The following HACE1 variants were observed in gnomAD, a reference collection of about 807,000 sequenced individuals.
HACE1 encodes the protein E3 ubiquitin-protein ligase HACE1.
HACE1 carries 73 observed loss-of-function variants against 118.4 expected under a neutral mutation model. The observed-to-expected ratio is 0.62, with a 90% CI of 0.51 to 0.75. The LOEUF is 0.75. Ranked by LOEUF, HACE1 falls within the 30% of genes least tolerant of loss-of-function variation. The pLI is 0.00. For synonymous variants in HACE1, 368 were observed against 374.8 expected, an observed-to-expected ratio of 0.98 and a Z score of 0.21; for missense variants, 749 against 1,102.2, an observed-to-expected ratio of 0.68 and a Z score of 4.54.
chr6:104,825,443 G>C (rs1356192371), intron 6 of HACE1, among the ~76,000 whole-genome samples: 1 of 152,104 alleles, frequency 6.6e-6, no homozygotes, highest in Non-Finnish European at 1.5e-5. Flanking sequence ...CCTCTGATTG[G>C]CTGCACATAG....
chr6:104,803,006 A>G (rs1770558865), intron 7 of HACE1, among the ~76,000 whole-genome samples: 1 of 152,188 alleles, frequency 6.6e-6, no homozygotes, highest in South Asian at 2.1e-4. Context: ...AATCAAACAG[A>G]CACAATAAGA....
At chr6:104,757,349 C>T (rs1047087824) in intron 19 of HACE1, among the ~76,000 whole-genome samples, 3 of 152,154 alleles carry the variant, frequency 2.0e-5, no homozygotes, top group Non-Finnish European at 4.4e-5. Flanking sequence ...GAAGAAGGTA[C>T]AGGCAGCAAT....
intron 7 of HACE1, among the ~76,000 whole-genome samples, chr6:104,801,058 T>C (rs1200055070): frequency 6.6e-6 from 1 of 152,074 alleles, no homozygotes. Flanking sequence ...GCTAGAGAAC[T>C]TCATAATGCA....
intron 17 of HACE1, among the ~76,000 whole-genome samples, chr6:104,773,299 G>A (rs1222323471): frequency 6.6e-6 from 1 of 152,104 alleles, no homozygotes; most frequent in African/African-American, 2.4e-5. Flanking sequence ...GTATTGGAAA[G>A]TGAAATCTTT....
At chr6:104,751,603 C>T (rs1778051664) in intron 19 of HACE1, among the ~76,000 whole-genome samples, 1 of 151,858 alleles carries the variant, frequency 6.6e-6, no homozygotes, top group Non-Finnish European at 1.5e-5. Flanking sequence ...ACACTCCAAC[C>T]CGGGCAACAG....
intron 1 of HACE1, among the ~76,000 whole-genome samples, chr6:104,856,441 GT>G (rs35348044): frequency 3.4e-5 from 5 of 148,580 alleles, no homozygotes; most frequent in Non-Finnish European, 6.0e-5. Flanking sequence ...TTATTTATGT[GT>G]TTTTTTTTTG....
intron 19 of HACE1, among the ~76,000 whole-genome samples, chr6:104,760,866 A>T (rs184094800): frequency 5.9e-5 from 9 of 152,330 alleles, no homozygotes; most frequent in Admixed American, 2.6e-4. Flanking sequence ...ATACAAAATC[A>T]ATGTGCAAAA....
At chr6:104,810,273 C>T (rs1244053827) in intron 7 of HACE1, among the ~76,000 whole-genome samples, 1 of 151,850 alleles carries the variant, frequency 6.6e-6, no homozygotes, top group Non-Finnish European at 1.5e-5. Flanking sequence ...AACCCAGAAG[C>T]CCCTGAATTC....
chr6:104,756,383 G>T (rs867566930), intron 19 of HACE1, among the ~76,000 whole-genome samples: 1 of 139,622 alleles, frequency 7.2e-6, no homozygotes, highest in South Asian at 2.3e-4. Flanking sequence ...CTGCACCCCA[G>T]CCTGAGTGAC....
At chr6:104,756,446 T>TATATATAC (rs1554225546) in intron 19 of HACE1, among the ~76,000 whole-genome samples, 1 of 140,534 alleles carries the variant, frequency 7.1e-6, no homozygotes, top group African/African-American at 2.7e-5. Flanking sequence ...TATATATATA[T>TATATATAC]ACACACACAC....
At position 104,784,497 on chromosome 6, in the gene HACE1, A is replaced by G; in HGVS notation, c.1410-12T>C. The G allele has an allele frequency of 6.3e-7, 1 of 1,593,498 alleles. No homozygotes were observed. The highest frequency in any genetic ancestry group is 8.6e-7 in the Non-Finnish European group (1 of 1,161,390). ...GAGGTGAAGTCATTCTGTGGGGGGA[A>G]AACATCAATCAGAATACACAGGCAA... is the stretch of plus-strand genomic sequence containing the variant. On this transcript the variant is annotated splice_polypyrimidine_tract_variant and intron_variant, in intron 12 of 23. Transcript: ENST00000262903.
At chr6:104,766,751 C>G (rs997579016) in intron 19 of HACE1, 2 of 152,198 alleles carry the variant, frequency 1.3e-5, no homozygotes, top group African/African-American at 2.4e-5. Context: ...ACATCAGTTA[C>G]AAGTTTTGTG....
intron 7 of HACE1, among the ~76,000 whole-genome samples, chr6:104,804,548 G>T (rs1376393272): frequency 6.6e-6 from 1 of 152,034 alleles, no homozygotes; most frequent in East Asian, 1.9e-4. Flanking sequence ...GCCCTCAGAA[G>T]TAACACCACA....
intron 19 of HACE1, among the ~76,000 whole-genome samples, chr6:104,770,312 T>C (rs1027327794): frequency 1.3e-5 from 2 of 152,154 alleles, no homozygotes; most frequent in African/African-American, 4.8e-5. Flanking sequence ...TCATATAACA[T>C]ATTAAAACAC....
At chr6:104,858,080 G>A (rs2114415399) in intron 1 of HACE1, among the ~76,000 whole-genome samples, 1 of 152,112 alleles carries the variant, frequency 6.6e-6, no homozygotes, top group East Asian at 1.9e-4. Flanking sequence ...ACTGGATGGT[G>A]AAATGACATA....
chr6:104,797,951 C>T (rs868131334), intron 7 of HACE1, among the ~76,000 whole-genome samples: 1 of 151,608 alleles, frequency 6.6e-6, no homozygotes, highest in Admixed American at 6.6e-5. Context: ...GCCTGTAATC[C>T]CAGCTACTTG....
In HACE1 at chr6:104,777,033, A is replaced by G; in HGVS notation, c.1756T>C (p.Phe586Leu). Residue 586 changes from phenylalanine to leucine, a missense_variant, in exon 16 of 24, where the codon TTC becomes CTC. Physicochemically the swap from Phe to Leu is conservative, Grantham distance 22. Coordinates refer to ENST00000262903, the MANE Select transcript of HACE1 (RefSeq NM_020771.4). ...CCCACCATGCCTTCTTCTCCATGGAACCGTACAGCAATCCCTTGCTTTAGC... is the reference window on the plus strand; with the variant it reads ...CCCACCATGCCTTCTTCTCCATGGAGCCGTACAGCAATCCCTTGCTTTAGC... ...AKLKQGIAVR[F>L]HGEEGMGQGV... The G allele has an allele frequency of 6.2e-7, 1 of 1,610,322 alleles. No individual in the cohort carries two copies. The highest frequency in any genetic ancestry group is 8.5e-7 in the Non-Finnish European group (1 of 1,176,864).
chr6:104,823,748 C>G (rs1773027670), intron 6 of HACE1, among the ~76,000 whole-genome samples: 1 of 149,426 alleles, frequency 6.7e-6, no homozygotes. Flanking sequence ...AGTCATCTAT[C>G]TTTGTGAATT....
At chr6:104,777,695 T>C (rs1319309397) in intron 14 of HACE1, among the ~76,000 whole-genome samples, 1 of 152,226 alleles carries the variant, frequency 6.6e-6, no homozygotes, top group African/African-American at 2.4e-5. Flanking sequence ...GCGTGTTCCA[T>C]TTAATTTTTC....
Sources: allele counts gnomAD v4.1 joint callset (sites outside exome capture counted in the v4.1 genomes callset), GRCh38; gene constraint gnomAD v4.1.1; transcripts MANE v1.5; gene names NCBI Gene and HGNC (gene_info 2026-07-23, HGNC 2026-07-21).